DNAH12: variants seen among roughly 807,000 people sequenced by gnomAD.
The protein encoded by DNAH12 is dynein axonemal heavy chain 12.
DNAH12 carries 285 observed loss-of-function variants against 371.5 expected under a neutral mutation model. The ratio of observed to expected loss-of-function variants is 0.77; its 90% CI spans 0.70 to 0.85. The LOEUF (loss-of-function observed/expected upper bound fraction) is 0.85, where lower values mean the gene tolerates loss of function less well. Among genes scored for constraint, DNAH12 ranks in the 40% least tolerant of loss-of-function variants. The pLI is 0.00. For missense variants in DNAH12, 3,611 were observed against 3,689.4 expected, an observed-to-expected ratio of 0.98 and a Z score of 0.55; for synonymous variants, 1,200 against 1,213.0, an observed-to-expected ratio of 0.99 and a Z score of 0.22.
intron 60 of DNAH12, among the ~76,000 whole-genome samples, chr3:57,340,616 C>G (rs116466235): frequency 0.011 from 1,667 of 152,202 alleles, 33 homozygotes; most frequent in African/African-American, 0.038. Flanking sequence ...AATAGAAAAC[C>G]TGAACAGATC....
intron 62 of DNAH12, among the ~76,000 whole-genome samples, chr3:57,330,907 C>G (rs1019375103): frequency 1.3e-5 from 2 of 152,016 alleles, no homozygotes; most frequent in Non-Finnish European, 2.9e-5. Context: ...ATCAATCAAT[C>G]AATCAATTCC....
chr3:57,378,056 A>C (rs929253377), intron 52 of DNAH12, among the ~76,000 whole-genome samples: 24 of 152,330 alleles, frequency 1.6e-4, no homozygotes, highest in African/African-American at 5.8e-4. Context: ...TCATGAAAGA[A>C]AATGTGTTAA....
chr3:57,408,480 C>A lies in DNAH12; in HGVS notation c.6076G>T (p.Ala2026Ser), dbSNP rs1194044103. 1.3e-6 allele frequency: 2 copies of A among 1,551,270 alleles called. No homozygotes were observed. The highest frequency in any genetic ancestry group is 1.7e-4 in the Middle Eastern group (1 of 6,010). Residue 2026 changes from alanine to serine, a missense_variant, in exon 40 of 74, where the codon GCA becomes TCA. Coordinates refer to ENST00000495027, the MANE Select transcript of DNAH12 (RefSeq NM_001366028.2). ...CTTCCACCACCTGGAGGGCCCATTG[C>A]AGCAATCAGCTCTATGTCCACCAGC... ...ITLVDIELIA[A>S]MGPPGGGRNP...
At chr3:57,438,172 G>C (rs367816663) in intron 29 of DNAH12, among the ~76,000 whole-genome samples, 6 of 152,008 alleles carry the variant, frequency 3.9e-5, no homozygotes, top group Non-Finnish European at 1.5e-5. Flanking sequence ...TCAGCCAGGC[G>C]TGGTGGCGGG....
intron 65 of DNAH12, among the ~76,000 whole-genome samples, chr3:57,316,214 C>A (rs1225932511): frequency 6.6e-6 from 1 of 151,144 alleles, no homozygotes; most frequent in East Asian, 1.9e-4. Flanking sequence ...ATACCACTGA[C>A]CTGCCATCAG....
intron 37 of DNAH12, among the ~76,000 whole-genome samples, chr3:57,418,713 G>T (rs999209791): frequency 2.0e-4 from 31 of 151,762 alleles, no homozygotes; most frequent in African/African-American, 7.5e-4. Context: ...GATAAAATTG[G>T]TCACAGAATG....
intron 25 of DNAH12, among the ~76,000 whole-genome samples, chr3:57,451,378 C>T (rs1024186090): frequency 6.6e-6 from 1 of 152,190 alleles, no homozygotes; most frequent in Non-Finnish European, 1.5e-5. Context: ...CGTCTGCAAT[C>T]CCAGCACTTT....
chr3:57,487,702 CAA>C (rs2066980201), intron 12 of DNAH12, among the ~76,000 whole-genome samples: 1 of 152,030 alleles, frequency 6.6e-6, no homozygotes, highest in Admixed American at 6.6e-5. Context: ...CAGGAGGAAT[CAA>C]AGAATAAACT....
chr3:57,413,882 G>C lies in DNAH12; in HGVS notation c.5884C>G (p.Arg1962Gly). Residue 1962 changes from arginine to glycine, a missense_variant, in exon 39 of 74, where the codon CGC (arginine) becomes GGC (glycine). Transcript: ENST00000495027. Reference sequence around the variant, plus strand: ...ATAGGTGGTCCAAAGACTCCTTTGCGTCTTTTATCCAATCTAGCCATGATA... The same window carrying C: ...ATAGGTGGTCCAAAGACTCCTTTGCCTCTTTTATCCAATCTAGCCATGATA... ...NIIMARLDKR[R>G]KGVFGPPMGK... The C allele has an allele frequency of 6.4e-7, 1 of 1,550,622 alleles. No individual in the cohort carries two copies. Among genetic ancestry groups the C allele is most frequent in the Non-Finnish European group, 8.7e-7 (1 of 1,146,564 alleles).
chr3:57,416,510 T>C (rs2064381468), intron 37 of DNAH12, among the ~76,000 whole-genome samples: 1 of 152,106 alleles, frequency 6.6e-6, no homozygotes, highest in African/African-American at 2.4e-5. Context: ...AGTCAAAGTC[T>C]GTCTCCTCAG....
chr3:57,421,132 T>TA (rs1417823447), intron 36 of DNAH12, among the ~76,000 whole-genome samples: 1 of 152,058 alleles, frequency 6.6e-6, no homozygotes, highest in East Asian at 1.9e-4. Context: ...CTGCTAGCCA[T>TA]TAATCTTTTT....
At chr3:57,414,965 A>G (rs1402299486) in intron 38 of DNAH12, among the ~76,000 whole-genome samples, 1 of 152,158 alleles carries the variant, frequency 6.6e-6, no homozygotes, top group Non-Finnish European at 1.5e-5. Flanking sequence ...TTGAGGGCAA[A>G]GGGTAGGATG....
At chr3:57,553,235 C>A in the DNAH12 span, among the ~76,000 whole-genome samples, 1 of 152,128 alleles carries the variant, frequency 6.6e-6, no homozygotes, top group Admixed American at 6.6e-5. Flanking sequence ...CCTGCATCAG[C>A]CAGTCTCATC....
At chr3:57,394,421 A>G (rs2063695270) in intron 43 of DNAH12, 89 bp from the exon 44 acceptor site, 1 of 152,180 alleles carries the variant, frequency 6.6e-6, no homozygotes, top group Non-Finnish European at 1.5e-5. Flanking sequence ...TGATAACAAC[A>G]CTTTGATTTT....
At chr3:57,318,183 T>C (rs2061727538) in intron 65 of DNAH12, among the ~76,000 whole-genome samples, 1 of 152,212 alleles carries the variant, frequency 6.6e-6, no homozygotes, top group Non-Finnish European at 1.5e-5. Flanking sequence ...TTGATCCCAC[T>C]TTCTTTTTGT....
intron 65 of DNAH12, among the ~76,000 whole-genome samples, chr3:57,315,331 C>T (rs2061663656): frequency 6.6e-6 from 1 of 151,180 alleles, no homozygotes; most frequent in South Asian, 2.1e-4. Context: ...CATTATTCTT[C>T]AATATTAAAA....
At chr3:57,344,803 C>T (rs1553657527) in intron 60 of DNAH12, among the ~76,000 whole-genome samples, 1 of 152,006 alleles carries the variant, frequency 6.6e-6, no homozygotes, top group African/African-American at 2.4e-5. Context: ...CAGGGAAAAG[C>T]AGGGATTAGG....
chr3:57,419,246 A>G, intron 37 of DNAH12, 121 bp downstream of exon 37: 1 of 1,000,144 alleles, frequency 1.0e-6, no homozygotes, highest in Non-Finnish European at 1.4e-6. Context: ...ACATGCCAAC[A>G]AGTCCCCCAG....
intron 7 of DNAH12, 79 bp from the exon 8 acceptor site, chr3:57,507,917 G>A (rs1388836538): frequency 2.9e-5 from 38 of 1,314,594 alleles, no homozygotes; most frequent in Admixed American, 1.6e-4. Flanking sequence ...GGCCGGGCTC[G>A]GTGGTTCACA....
Sources: allele counts gnomAD v4.1 joint callset (sites outside exome capture counted in the v4.1 genomes callset), GRCh38; gene constraint gnomAD v4.1.1; transcripts MANE v1.5; gene names NCBI Gene and HGNC (gene_info 2026-07-23, HGNC 2026-07-21).